The following MROH7 variants were observed in gnomAD, a reference collection of about 807,000 sequenced individuals.
MROH7 encodes the protein maestro heat like repeat family member 7, also known as maestro heat-like repeat-containing protein family member 7.
MROH7 carries 113 observed loss-of-function variants against 129.2 expected under a neutral mutation model. The observed-to-expected ratio is 0.87, with a 90% CI of 0.75 to 1.02. The LOEUF (loss-of-function observed/expected upper bound fraction) is 1.02. Among genes scored for constraint, MROH7 ranks in the 50% least tolerant of loss-of-function variants. The pLI is 0.00. For missense variants in MROH7, 1,601 were observed against 1,671.3 expected (o/e 0.96, Z 0.73); for synonymous variants, 655 against 667.9 (o/e 0.98, Z 0.30).
Position 54,670,866 on chromosome 1 carries a change from G to T in MROH7, c.1536G>T (p.Val512=). The change falls in exon 7 of 24, where the codon GTG becomes GTT. Residue 512 remains valine, a synonymous_variant. Transcript: ENST00000421030. ...SELVNVCVHS[V]FSLPSVQAMQ... ...TGGTGAACGTGTGTGTGCACAGCGT[G>T]TTCTCCCTGCCCTCCGTGCAGGCGA... is the stretch of plus-strand genomic sequence containing the variant. 1 of 1,613,700 alleles carries T rather than the reference G, an allele frequency of 6.2e-7. No individual in the cohort carries two copies. The highest frequency in any genetic ancestry group is 8.5e-7 in the Non-Finnish European group (1 of 1,179,900).
At chr1:54,669,090 C>T (rs1644856528) in intron 5 of MROH7, among the ~76,000 whole-genome samples, 153 bp downstream of exon 5, 1 of 151,220 alleles carries the variant, frequency 6.6e-6, no homozygotes, top group African/African-American at 2.4e-5. Context: ...TCAGCTCCAC[C>T]TCGAACTGCC....
At chr1:54,661,507 A>C (rs2570769) in intron 3 of MROH7, among the ~76,000 whole-genome samples, 67,839 of 151,878 alleles carry the variant, frequency 0.45, 16,289 homozygotes, top group African/African-American at 0.62. Context: ...CCACCACGTC[A>C]GGCCCTGTTC....
At chr1:54,690,403 A>G (rs1454147431) in intron 15 of MROH7, among the ~76,000 whole-genome samples, 1 of 151,370 alleles carries the variant, frequency 6.6e-6, no homozygotes, top group African/African-American at 2.4e-5. Context: ...AGGATCAACT[A>G]CGAATGATGC....
chr1:54,706,532 T>G lies in MROH7; in HGVS notation c.3662T>G (p.Phe1221Cys). The part of the protein sequence containing the change: ...RASLRKCSVM[F>C]IGSLVPCMES... ...TCCCTCCGGAAGTGCTCAGTCATGT[T>G]CATAGGTAACCTGCCCTGGCATAAG... is the stretch of plus-strand genomic sequence containing the variant. Residue 1221 changes from phenylalanine (F) to cysteine (C), a missense_variant, in exon 22 of 24, where the codon TTC becomes TGC. Physicochemically the swap from Phe to Cys is radical, Grantham distance 205 (BLOSUM62 -2). Coordinates refer to ENST00000421030, the MANE Select transcript of MROH7 (RefSeq NM_001039464.4). 6.2e-7 allele frequency: 1 copy of G among 1,611,976 alleles called. No homozygotes were observed. The highest frequency in any genetic ancestry group is 1.1e-5 in the South Asian group (1 of 91,020).
intron 13 of MROH7, 136 bp downstream of exon 13, chr1:54,680,181 T>A: frequency 1.4e-6 from 1 of 727,540 alleles, no homozygotes; most frequent in Non-Finnish European, 2.3e-6. Context: ...CTGGGGTGTT[T>A]ATGACAACCA....
At chr1:54,691,738 A>G (rs112629501) in intron 15 of MROH7, among the ~76,000 whole-genome samples, 3,726 of 151,116 alleles carry the variant, frequency 0.025, 138 homozygotes, top group African/African-American at 0.087. Flanking sequence ...CCCAGGAGGC[A>G]GAGATTGCAG....
At chr1:54,684,214 G>A (rs944250433) in intron 14 of MROH7, among the ~76,000 whole-genome samples, 4 of 152,254 alleles carry the variant, frequency 2.6e-5, no homozygotes, top group African/African-American at 9.6e-5. Context: ...AGATGAAGGA[G>A]AGGGTAGTAT....
chr1:54,682,844 C>T (rs775426538), intron 14 of MROH7, 50 bp downstream of exon 14: 79 of 1,582,698 alleles, frequency 5.0e-5, no homozygotes, highest in Non-Finnish European at 6.5e-5. Flanking sequence ...TGCCCTTCCT[C>T]TCTCCTTCCC....
intron 1 of MROH7, among the ~76,000 whole-genome samples, chr1:54,646,868 A>G (rs1644474692): frequency 6.6e-6 from 1 of 152,160 alleles, no homozygotes; most frequent in Non-Finnish European, 1.5e-5. Flanking sequence ...ACTATTCTGG[A>G]TATTTTATAT....
At position 54,703,848 on chromosome 1, in the gene MROH7, T is replaced by C. The variant is rs1164025043; in HGVS notation, c.3564+1103T>C. On this transcript the variant is annotated intron_variant, in intron 21 of 23. Transcript: ENST00000421030. The surrounding 1 kb of genome is among the most constrained non-coding windows in gnomAD (Gnocchi z 4.4). Reference sequence around the variant, plus strand: ...AACAAAGGGAGAAGTCAAGTTACAATGTAGCTTCAGCACAGGCCTCAGCCA... The same window carrying C: ...AACAAAGGGAGAAGTCAAGTTACAACGTAGCTTCAGCACAGGCCTCAGCCA... 1.3e-5 allele frequency among the ~76,000 whole-genome samples: 2 copies of C among 152,178 alleles called. No homozygotes were observed. The highest frequency in any genetic ancestry group is 2.9e-5 in the Non-Finnish European group (2 of 68,032).
In MROH7 at chr1:54,695,432, C is replaced by G; in HGVS notation, c.2906C>G (p.Pro969Arg). Residue 969 changes from proline to arginine, a missense_variant, in exon 17 of 24, where the codon CCG becomes CGG. Transcript: ENST00000421030. The stretch of plus-strand genomic sequence containing the variant: ...TGCCGCATCCTCTACCTGCTCATCC[C>G]GCTCCTGGAGCGAGGCGACGAGAAG... ...ELCRILYLLIPLLERGDEKHR... is the reference protein window; with the variant it reads ...ELCRILYLLIRLLERGDEKHR... 1 of 1,613,882 alleles carries G rather than the reference C, an allele frequency of 6.2e-7. No individual in the cohort carries two copies. The highest frequency in any genetic ancestry group is 8.5e-7 in the Non-Finnish European group (1 of 1,179,914).
At chr1:54,644,247 AG>A (rs889888681) in intron 1 of MROH7, among the ~76,000 whole-genome samples, 3 of 89,896 alleles carry the variant, frequency 3.3e-5, no homozygotes, top group Non-Finnish European at 4.5e-5. Flanking sequence ...GGGGGTGGGG[AG>A]GGGGGTCTAT....
intron 3 of MROH7, among the ~76,000 whole-genome samples, chr1:54,662,801 T>G (rs1253262417): frequency 6.6e-6 from 1 of 152,194 alleles, no homozygotes; most frequent in Non-Finnish European, 1.5e-5. Context: ...CATTGTACGT[T>G]TTTTCTAGTC....
At chr1:54,670,729 A>AG in intron 6 of MROH7, 71 bp from the exon 7 acceptor site, 1 of 1,504,482 alleles carries the variant, frequency 6.6e-7, no homozygotes, top group Non-Finnish European at 8.9e-7. Context: ...TGTGCTCCTC[A>AG]GCTCAGCCCC....
At chr1:54,685,117 A>G (rs901246666) in intron 14 of MROH7, among the ~76,000 whole-genome samples, 1 of 151,604 alleles carries the variant, frequency 6.6e-6, no homozygotes, top group Non-Finnish European at 1.5e-5. Flanking sequence ...CCCGGGTTGC[A>G]GTGATTCTCA....
intron 4 of MROH7, 102 bp from the exon 5 acceptor site, chr1:54,668,752 G>C: frequency 1.3e-6 from 1 of 770,298 alleles, no homozygotes. Context: ...ATGCTGGCTT[G>C]CCTGTAGGTG....
At chr1:54,663,685 T>TAAAAAAA in intron 3 of MROH7, 2 of 276,416 alleles carry the variant, frequency 7.2e-6, no homozygotes, top group East Asian at 1.1e-4. Context: ...CCATCAGCTC[T>TAAAAAAA]AAAAAAAAAA....
chr1:54,680,800 C>T (rs141418082), intron 13 of MROH7, among the ~76,000 whole-genome samples: 1 of 152,208 alleles, frequency 6.6e-6, no homozygotes, highest in Non-Finnish European at 1.5e-5. Flanking sequence ...CTGTGCAGAG[C>T]TGTGCAAATG....
chr1:54,682,389 A>G (rs1220242758), intron 13 of MROH7, among the ~76,000 whole-genome samples: 1 of 151,938 alleles, frequency 6.6e-6, no homozygotes, highest in Admixed American at 6.6e-5. Context: ...GCTGGTCTCA[A>G]ACTCCTGACC....
Sources: allele counts gnomAD v4.1 joint callset (sites outside exome capture counted in the v4.1 genomes callset), GRCh38; gene constraint gnomAD v4.1.1; non-coding constraint Gnocchi (gnomAD v3.1); transcripts MANE v1.5; gene names NCBI Gene and HGNC (gene_info 2026-07-23, HGNC 2026-07-21).